Variants in PLEKHA5 observed in about 807,000 individuals in gnomAD.
PLEKHA5 encodes pleckstrin homology domain-containing family A member 5.
PLEKHA5 carries 55 observed loss-of-function variants against 181.9 expected under a neutral mutation model. That is an observed-to-expected ratio of 0.30 (90% CI 0.24 to 0.38). The LOEUF is 0.38. Among genes scored for constraint, PLEKHA5 ranks in the 10% least tolerant of loss-of-function variants. The probability of loss-of-function intolerance (pLI) is 1.00; values close to 1 mark genes in which losing one functional copy is unlikely to be tolerated. For synonymous variants in PLEKHA5, 535 were observed against 529.4 expected, an observed-to-expected ratio of 1.01 and a Z score of -0.15; for missense variants, 1,432 against 1,549.5, an observed-to-expected ratio of 0.92 and a Z score of 1.27.
intron 3 of PLEKHA5, among the ~76,000 whole-genome samples, chr12:19,145,251 C>G (rs1467719462): frequency 6.6e-6 from 1 of 152,056 alleles, no homozygotes; most frequent in Non-Finnish European, 1.5e-5. Flanking sequence ...GACCTTTGGA[C>G]TAACTCTATG....
chr12:19,269,839 A>G lies in PLEKHA5; in HGVS notation c.781A>G (p.Lys261Glu). 6.2e-7 allele frequency: 1 copy of G among 1,610,936 alleles called. No individual in the cohort carries two copies. Among genetic ancestry groups the G allele is most frequent in the Non-Finnish European group, 8.5e-7 (1 of 1,177,140 alleles). Residue 261 changes from lysine (K) to glutamate (E), a missense_variant, in exon 9 of 32, where the codon AAA (lysine) becomes GAA (glutamate). Lys to Glu is a moderately conservative substitution (Grantham distance 56). Transcript: ENST00000429027. ...AGGAAAGGAAATGGAGTTGTGGATGAAAGCCATGTTAGATGCTGCCCTAGT... is the reference window on the plus strand; with the variant it reads ...AGGAAAGGAAATGGAGTTGTGGATGGAAGCCATGTTAGATGCTGCCCTAGT... Reference protein sequence around the residue: ...DTGKEMELWMKAMLDAALVQT... With the variant: ...DTGKEMELWMEAMLDAALVQT...
chr12:19,290,883 T>G lies in PLEKHA5; in HGVS notation c.1983+87T>G, dbSNP rs185922893. 1.1e-5 allele frequency: 14 copies of G among 1,217,930 alleles called. No individual in the cohort carries two copies. In the Admixed American group the frequency reaches 3.4e-4, roughly 30 times the overall value. 75.4% of individuals were successfully genotyped at this position (1,217,930 alleles called of 1,614,324 possible). A position where few individuals can be genotyped will look rare whatever the true frequency, so the allele number is the denominator to read the frequency against. On this transcript the variant is annotated intron_variant, in intron 14 of 31. Coordinates refer to ENST00000429027, the MANE Select transcript of PLEKHA5 (RefSeq NM_001256470.2). ...CAGTCAATATGATCAGCATCATTAG[T>G]GTTGAGCATGAGCCCATACCATCAT...
At chr12:19,131,239 G>C (rs1436218677) in intron 2 of PLEKHA5, among the ~76,000 whole-genome samples, 1 of 152,118 alleles carries the variant, frequency 6.6e-6, no homozygotes, top group Non-Finnish European at 1.5e-5. Context: ...CTGACATTCC[G>C]TGAATCTGTT....
At chr12:19,210,218 A>G (rs550491927) in intron 3 of PLEKHA5, among the ~76,000 whole-genome samples, 2 of 152,328 alleles carry the variant, frequency 1.3e-5, no homozygotes, top group South Asian at 2.1e-4. Context: ...TATAATATTT[A>G]TCTTTTCTTT....
chr12:19,344,481 A>G (rs959677792), intron 22 of PLEKHA5, among the ~76,000 whole-genome samples: 9 of 152,228 alleles, frequency 5.9e-5, no homozygotes, highest in African/African-American at 9.6e-5. Context: ...ATCCATTTCC[A>G]TATTGATGGA....
intron 3 of PLEKHA5, among the ~76,000 whole-genome samples, chr12:19,171,213 G>T: frequency 6.6e-6 from 1 of 152,138 alleles, no homozygotes; most frequent in Admixed American, 6.5e-5. Context: ...GACTGTGATT[G>T]TTAAGAAGAA....
At chr12:19,220,566 A>G (rs1227185515) in intron 3 of PLEKHA5, among the ~76,000 whole-genome samples, 2 of 152,144 alleles carry the variant, frequency 1.3e-5, no homozygotes, top group African/African-American at 4.8e-5. Flanking sequence ...GGTGTGCACT[A>G]TTTCTATGAA....
chr12:19,341,504 T>C (rs1248317157), intron 21 of PLEKHA5, among the ~76,000 whole-genome samples: 1 of 152,096 alleles, frequency 6.6e-6, no homozygotes, highest in East Asian at 1.9e-4. Context: ...TATTTACATC[T>C]CTGGGCTGTC....
chr12:19,320,513 T>C (rs991242574), intron 17 of PLEKHA5, 49 bp from the exon 18 acceptor site: 1 of 844,062 alleles, frequency 1.2e-6, no homozygotes, highest in Non-Finnish European at 2.0e-6. Context: ...AGGGTAAATA[T>C]ATTTTTAAAT....
intron 30 of PLEKHA5, among the ~76,000 whole-genome samples, chr12:19,368,504 A>C (rs773985655): frequency 6.6e-5 from 10 of 150,720 alleles, no homozygotes; most frequent in Non-Finnish European, 1.2e-4. Flanking sequence ...TCAAAAAATA[A>C]ATAAATAGCC....
chr12:19,305,002 G>A (rs905468992), intron 15 of PLEKHA5, among the ~76,000 whole-genome samples: 2 of 152,148 alleles, frequency 1.3e-5, no homozygotes, highest in Admixed American at 6.5e-5. Flanking sequence ...AACAAGCACT[G>A]TCTTGGTGCT....
chr12:19,284,561 T>A (rs1203097633), intron 12 of PLEKHA5, among the ~76,000 whole-genome samples: 1 of 152,242 alleles, frequency 6.6e-6, no homozygotes, highest in Non-Finnish European at 1.5e-5. Flanking sequence ...ATATTGTAGC[T>A]TAATGGTATG....
chr12:19,362,370 C>A (rs1048505631), intron 29 of PLEKHA5, among the ~76,000 whole-genome samples: 1 of 151,668 alleles, frequency 6.6e-6, no homozygotes. Flanking sequence ...CCTGTCTCTA[C>A]TAAAAGTACA....
At chr12:19,167,803 G>A (rs936866777) in intron 3 of PLEKHA5, among the ~76,000 whole-genome samples, 2 of 152,064 alleles carry the variant, frequency 1.3e-5, no homozygotes, top group African/African-American at 4.8e-5. Flanking sequence ...AGAATGCAGT[G>A]TCATAAGATG....
intron 3 of PLEKHA5, among the ~76,000 whole-genome samples, chr12:19,180,769 A>AT (rs2048344471): frequency 1.3e-5 from 2 of 149,914 alleles, no homozygotes; most frequent in African/African-American, 4.9e-5. Context: ...ATATTTAAAA[A>AT]ATATATATCT....
At chr12:19,269,140 C>G (rs1449138485) in intron 8 of PLEKHA5, among the ~76,000 whole-genome samples, 2 of 152,034 alleles carry the variant, frequency 1.3e-5, no homozygotes, top group Non-Finnish European at 2.9e-5. Flanking sequence ...GTAATCCCAG[C>G]ACTTTGGGAG....
chr12:19,245,343 G>A (rs1404404666), intron 3 of PLEKHA5, among the ~76,000 whole-genome samples: 3 of 151,930 alleles, frequency 2.0e-5, no homozygotes, highest in Admixed American at 6.6e-5. Context: ...CCTCTAGGTC[G>A]GCCACAGACA....
Position 19,282,061 on chromosome 12 carries a change from C to T in PLEKHA5, c.1314-1219C>T, listed in dbSNP as rs1336756450. 2.0e-5 allele frequency among the ~76,000 whole-genome samples: 3 copies of T among 152,132 alleles called. No individual in the cohort carries two copies. The East Asian group carries it at 5.8e-4, about 29-fold the overall frequency. On this transcript the variant is annotated intron_variant, in intron 11 of 31. Transcript: ENST00000429027. ...CCTCCCAAAGTGCTGGGATTACAGGCGTGAGCCACTGCGCCCGGCCCAAAG... is the reference window on the plus strand; with the variant it reads ...CCTCCCAAAGTGCTGGGATTACAGGTGTGAGCCACTGCGCCCGGCCCAAAG...
intron 3 of PLEKHA5, 137 bp from the exon 4 acceptor site, chr12:19,253,803 A>G (rs1254931519): frequency 3.1e-6 from 2 of 651,756 alleles, no homozygotes; most frequent in Non-Finnish European, 5.4e-6. Flanking sequence ...CTGGGCGACA[A>G]GAATAAAACT....
Sources: gnomAD v4.1 joint callset for allele counts (sites outside exome capture counted in the v4.1 genomes callset) on GRCh38, gnomAD v4.1.1 for gene constraint, MANE v1.5 for transcripts, NCBI Gene and HGNC (gene_info 2026-07-23, HGNC 2026-07-21) for gene names.